SYN3: variants seen among roughly 807,000 people sequenced by gnomAD.
The protein encoded by SYN3 is synapsin-3.
SYN3 carries 35 observed loss-of-function variants against 65.8 expected under a neutral mutation model. That is an observed-to-expected ratio of 0.53 (90% confidence interval 0.41 to 0.70). SYN3 has a LOEUF of 0.70. Among genes scored for constraint, SYN3 ranks in the 30% least tolerant of loss-of-function variants. SYN3 has a pLI of 0.00. For missense variants in SYN3, 680 were observed against 749.0 expected (o/e 0.91, Z 1.08); for synonymous variants, 270 against 292.9 (o/e 0.92, Z 0.80).
chr22:32,951,281 T>G (rs972252381), intron 3 of SYN3, among the ~76,000 whole-genome samples: 2 of 151,630 alleles, frequency 1.3e-5, no homozygotes, highest in African/African-American at 4.9e-5. Context: ...CCAAAGGGCT[T>G]CCCTGAGCCA....
At chr22:32,751,726 C>G (rs2045133124) in intron 6 of SYN3, among the ~76,000 whole-genome samples, 1 of 152,148 alleles carries the variant, frequency 6.6e-6, no homozygotes, top group Non-Finnish European at 1.5e-5. Context: ...GACAGGCCCT[C>G]TCAGAGCCGT....
At chr22:32,994,484 C>T (rs1252334759) in intron 2 of SYN3, among the ~76,000 whole-genome samples, 1 of 152,172 alleles carries the variant, frequency 6.6e-6, no homozygotes, top group African/African-American at 2.4e-5. Context: ...CTCCAGCCAT[C>T]CCAGAAACCC....
intron 6 of SYN3, among the ~76,000 whole-genome samples, chr22:32,782,214 G>A (rs906979262): frequency 2.0e-5 from 3 of 151,962 alleles, no homozygotes; most frequent in African/African-American, 4.8e-5. Flanking sequence ...GATTACAGGC[G>A]GGTGCCACCA....
chr22:32,815,145 C>CATCT (rs1200847214), intron 6 of SYN3, among the ~76,000 whole-genome samples: 1 of 152,236 alleles, frequency 6.6e-6, no homozygotes, highest in Non-Finnish European at 1.5e-5. Context: ...AAAGGCAAGG[C>CATCT]ATCTTCCCCT....
chr22:32,710,221 G>C (rs564725571), intron 6 of SYN3, among the ~76,000 whole-genome samples: 1 of 151,552 alleles, frequency 6.6e-6, no homozygotes, highest in South Asian at 2.1e-4. Flanking sequence ...GTAATCCCCA[G>C]TGTCTAGGTG....
chr22:32,624,980 A>G (rs1450940556), intron 6 of SYN3, among the ~76,000 whole-genome samples: 1 of 152,164 alleles, frequency 6.6e-6, no homozygotes, highest in Non-Finnish European at 1.5e-5. Flanking sequence ...AAGGCACACA[A>G]AGATCCTGGC....
intron 6 of SYN3, among the ~76,000 whole-genome samples, chr22:32,716,222 C>T (rs912052111): frequency 1.3e-5 from 2 of 152,142 alleles, no homozygotes; most frequent in Non-Finnish European, 2.9e-5. Flanking sequence ...TTGAGTACCT[C>T]ATCCCTTCCT....
intron 7 of SYN3, among the ~76,000 whole-genome samples, chr22:32,572,481 CCCTTCCTTTTCTT>C (rs1171584829): frequency 6.1e-5 from 7 of 113,874 alleles, no homozygotes; most frequent in Non-Finnish European, 1.3e-4. Flanking sequence ...CTCCTTCCCT[CCCTTCCTTTTCTT>C]CCTTCCTTCC....
At chr22:32,615,446 A>AAAAAAAG (rs2059504776) in intron 6 of SYN3, among the ~76,000 whole-genome samples, 2 of 150,912 alleles carry the variant, frequency 1.3e-5, no homozygotes, top group African/African-American at 4.9e-5. Flanking sequence ...AAAAAAAAAA[A>AAAAAAAG]AAAAAGAAAA....
At chr22:32,741,054 A>G (rs565442302) in intron 6 of SYN3, among the ~76,000 whole-genome samples, 1 of 152,328 alleles carries the variant, frequency 6.6e-6, no homozygotes, top group South Asian at 2.1e-4. Context: ...TTTTATTTCC[A>G]GATGGCTGAG....
At position 32,695,104 on chromosome 22, in the gene SYN3, CTTTTA is replaced by C. The variant is rs576136713; in HGVS notation, c.712-98373_712-98369del. 7.3e-4 allele frequency among the ~76,000 whole-genome samples: 111 copies of C among 152,242 alleles called. 1 individual carries two copies. The South Asian group carries it at 0.022, about 30-fold the overall frequency. ...CATTTCTTTAGTTCAGAAAAGTTTTCTTTTATAATATCTTTGAATATGTTTCTGTC... is the reference window on the plus strand; with the variant it reads ...CATTTCTTTAGTTCAGAAAAGTTTTCTAATATCTTTGAATATGTTTCTGTC... On this transcript the variant is annotated intron_variant, in intron 6 of 13. Coordinates refer to ENST00000358763, the MANE Select transcript of SYN3 (RefSeq NM_003490.4).
At chr22:32,956,719 C>T (rs772675639) in intron 3 of SYN3, among the ~76,000 whole-genome samples, 4 of 152,160 alleles carry the variant, frequency 2.6e-5, no homozygotes, top group Non-Finnish European at 4.4e-5. Flanking sequence ...TTGGCTATTG[C>T]GAACCATGCT....
intron 1 of SYN3, among the ~76,000 whole-genome samples, chr22:33,038,404 A>G (rs1452460511): frequency 6.6e-6 from 1 of 152,204 alleles, no homozygotes; most frequent in Non-Finnish European, 1.5e-5. Context: ...TTCCTGCTGC[A>G]CTGTCTGGTT....
intron 6 of SYN3, among the ~76,000 whole-genome samples, chr22:32,635,952 C>G (rs149350000): frequency 6.6e-6 from 1 of 152,172 alleles, no homozygotes. Context: ...TGGAACAAAA[C>G]AAGATTTTTT....
chr22:32,873,101 C>T (rs1466587180), intron 4 of SYN3, among the ~76,000 whole-genome samples: 1 of 152,062 alleles, frequency 6.6e-6, no homozygotes, highest in East Asian at 1.9e-4. Context: ...CAGGCACGTG[C>T]CCCTGCACCC....
chr22:32,746,423 A>C lies in SYN3; in HGVS notation c.711+118492T>G, dbSNP rs7286342. Among the ~76,000 whole-genome samples, 1,310 of 151,888 alleles carry C rather than the reference A, an allele frequency of 8.6e-3. 21 individuals carry two copies. Among genetic ancestry groups the C allele is most frequent in the African/African-American group, 0.03 (1,244 of 41,144 alleles). ...ACTTCAGCTCTCTGGGTCTCTTTGA[A>C]ATGACAGCTGGACTAAATAATATTT... On this transcript the variant is annotated intron_variant, in intron 6 of 13. Coordinates refer to ENST00000358763, the MANE Select transcript of SYN3 (RefSeq NM_003490.4).
chr22:32,572,664 C>G (rs2058795218), intron 7 of SYN3, among the ~76,000 whole-genome samples: 1 of 151,642 alleles, frequency 6.6e-6, no homozygotes, highest in Non-Finnish European at 1.5e-5. Context: ...CTCACCGCAG[C>G]CTTGACCCCC....
intron 6 of SYN3, among the ~76,000 whole-genome samples, chr22:32,600,355 G>A (rs1334796424): frequency 7.3e-5 from 11 of 150,108 alleles, no homozygotes; most frequent in African/African-American, 2.2e-4. Flanking sequence ...TCAGGCGGTC[G>A]TGCGAGTGAT....
intron 6 of SYN3, among the ~76,000 whole-genome samples, chr22:32,601,963 A>T (rs2059291037): frequency 6.7e-6 from 1 of 149,590 alleles, no homozygotes; most frequent in African/African-American, 2.4e-5. Flanking sequence ...TTTTTGTGAC[A>T]CTTCTTTATT....
Sources: gnomAD v4.1 joint callset for allele counts (sites outside exome capture counted in the v4.1 genomes callset) on GRCh38, gnomAD v4.1.1 for gene constraint, MANE v1.5 for transcripts, NCBI Gene and HGNC (gene_info 2026-07-23, HGNC 2026-07-21) for gene names.